Variants in NOB1 observed in about 807,000 individuals in gnomAD.
NOB1 encodes RNA-binding protein NOB1.
NOB1 carries 44 observed loss-of-function variants against 44.8 expected under a neutral mutation model. That is an observed-to-expected ratio of 0.98 (90% confidence interval 0.77 to 1.26). The LOEUF is 1.26. Ranked by LOEUF, NOB1 falls within the 50% of genes most tolerant of loss-of-function variation. NOB1 has a pLI of 0.00. For synonymous variants in NOB1, 238 were observed against 218.7 expected (o/e 1.09, Z -0.78); for missense variants, 560 against 544.8 (o/e 1.03, Z -0.28).
chr16:69,744,979 C>G lies in NOB1; in HGVS notation c.863G>C (p.Cys288Ser). ...SDMSRVFCSH[C>S]GNKTLKKVSV... is the part of the protein sequence containing the mutation. ...CACTTTCTTCAGGGTCTTGTTCCCA[C>G]AGTGTGAGCAGAACACTCGGCTCAT... The change falls in exon 8 of 9, where the codon TGT (cysteine) becomes TCT (serine). Residue 288 changes from cysteine (C) to serine (S), a missense_variant. Cys to Ser is a moderately radical substitution (Grantham distance 112). Transcript: ENST00000268802. 1 of 1,614,126 alleles carries G rather than the reference C, an allele frequency of 6.2e-7. No homozygotes were observed. The highest frequency in any genetic ancestry group is 8.5e-7 in the Non-Finnish European group (1 of 1,180,032).
intron 3 of NOB1, 126 bp from the exon 4 acceptor site, chr16:69,749,756 T>A (rs2038466986): frequency 4.7e-6 from 3 of 635,276 alleles, no homozygotes; most frequent in African/African-American, 3.7e-5. Flanking sequence ...GGTGGGCGGA[T>A]CACCCAAGGT....
rs1179619965 is a variant in NOB1 at position 69,748,272 on chromosome 16, C to T, written c.784G>A (p.Glu262Lys). 1.9e-6 allele frequency: 3 copies of T among 1,614,120 alleles called. No homozygotes were observed. Among genetic ancestry groups the T allele is most frequent in the South Asian group, 2.2e-5 (2 of 91,072 alleles). Residue 262 changes from glutamate to lysine, a missense_variant, in exon 7 of 9, where the codon GAG becomes AAG. Glu to Lys is a moderately conservative substitution (Grantham distance 56). Transcript: ENST00000268802. ...CAGCGCAAGATGTAGCTCCGGGCCT[C>T]ACGAATCAGCATGCCGTTCACCGCC... ...VLAVNGMLIR[E>K]ARSYILRCHG... is the part of the protein sequence containing the mutation.
intron 2 of NOB1, 71 bp downstream of exon 2, chr16:69,754,523 T>C (rs1163840352): frequency 2.5e-6 from 4 of 1,585,160 alleles, no homozygotes; most frequent in Non-Finnish European, 3.4e-6. Context: ...AGACCCCAAC[T>C]CGCACCCAAC....
In NOB1 at chr16:69,744,881, C is replaced by G. The variant is rs763441100; in HGVS notation, c.961G>C (p.Gly321Arg). The G allele has an allele frequency of 6.2e-7, 1 of 1,612,964 alleles. No homozygotes were observed. Among genetic ancestry groups the G allele is most frequent in the Non-Finnish European group, 8.5e-7 (1 of 1,179,906 alleles). Residue 321 changes from glycine to arginine, a missense_variant, in exon 8 of 9, where the codon GGC becomes CGC. Physicochemically the swap from Gly to Arg is moderately radical, Grantham distance 125. Coordinates refer to ENST00000268802, the MANE Select transcript of NOB1 (RefSeq NM_014062.3). ...SRNPKVLNPR[G>R]LRYSLPTPKG... ...GGAGAGGCGCCACTCACCCGGAGGC[C>G]GCGGGGGTTCAGCACCTTGGGGTTG...
At chr16:69,749,654 A>G in intron 3 of NOB1, 24 bp from the exon 4 acceptor site, 1 of 1,520,346 alleles carries the variant, frequency 6.6e-7, no homozygotes, top group Non-Finnish European at 9.0e-7. Context: ...AAAAACATAT[A>G]CCTCTTGTTA....
In NOB1 at chr16:69,754,599, C is replaced by A. The variant is rs769303366; in HGVS notation, c.191G>T (p.Arg64Leu). Reference protein sequence around the residue: ...RFKEPLPEYVRLVTEFSKKTG... With the variant: ...RFKEPLPEYVLLVTEFSKKTG... ...GCTAGGGCAGAGGCACTCACCCAGCCGCACGTATTCCGGTAAGGGCTCCTT... is the reference window on the plus strand; with the variant it reads ...GCTAGGGCAGAGGCACTCACCCAGCAGCACGTATTCCGGTAAGGGCTCCTT... Residue 64 changes from arginine (R) to leucine (L), a missense_variant, in exon 2 of 9, where the codon CGG (arginine) becomes CTG (leucine). Physicochemically the swap from Arg to Leu is moderately radical, Grantham distance 102. Coordinates refer to ENST00000268802, the MANE Select transcript of NOB1 (RefSeq NM_014062.3). 27 of 1,613,988 alleles carry A rather than the reference C, an allele frequency of 1.7e-5. No individual in the cohort carries two copies. Among genetic ancestry groups the A allele is most frequent in the Non-Finnish European group, 2.2e-5 (26 of 1,180,024 alleles).
At position 69,742,100 on chromosome 16, in the gene NOB1, T is replaced by G; in HGVS notation, c.*232A>C. 2.0e-6 allele frequency: 1 copy of G among 495,494 alleles called. No homozygotes were observed. Among genetic ancestry groups the G allele is most frequent in the Non-Finnish European group, 3.6e-6 (1 of 278,634 alleles). 30.7% of individuals were successfully genotyped at this position (495,494 alleles called of 1,614,324 possible). On this transcript the variant is annotated 3_prime_UTR_variant, in exon 9 of 9. Coordinates refer to ENST00000268802, the MANE Select transcript of NOB1 (RefSeq NM_014062.3). ...GGCTCCAGGGCGTTGTTCTTTCTGT[T>G]TTTATGCAATTGCACTTCCTTGGCA...
At chr16:69,743,097 A>T (rs1034945374) in intron 8 of NOB1, among the ~76,000 whole-genome samples, 3 of 152,226 alleles carry the variant, frequency 2.0e-5, no homozygotes, top group African/African-American at 7.2e-5. Context: ...TTGACAGACC[A>T]GGATCTGTCA....
chr16:69,746,419 C>G (rs1006854218), intron 7 of NOB1, among the ~76,000 whole-genome samples: 6 of 152,238 alleles, frequency 3.9e-5, no homozygotes, highest in African/African-American at 1.2e-4. Context: ...TCCAAGGTCC[C>G]AGAGGCCTCC....
At chr16:69,754,479 C>G in intron 2 of NOB1, 115 bp downstream of exon 2, 1 of 1,396,076 alleles carries the variant, frequency 7.2e-7, no homozygotes, top group East Asian at 2.3e-5. Context: ...CTAGAAAGTG[C>G]TGGCTCTAAA....
At chr16:69,750,107 G>T (rs1406401244) in intron 3 of NOB1, among the ~76,000 whole-genome samples, 2 of 150,404 alleles carry the variant, frequency 1.3e-5, no homozygotes, top group Non-Finnish European at 3.0e-5. Flanking sequence ...AGGTTCAAGC[G>T]ATTCTCATGC....
chr16:69,744,933 G>T lies in NOB1; in HGVS notation c.909C>A (p.Asp303Glu). The T allele has an allele frequency of 6.2e-7, 1 of 1,614,164 alleles. No homozygotes were observed. Among genetic ancestry groups the T allele is most frequent in the Non-Finnish European group, 8.5e-7 (1 of 1,180,036 alleles). Residue 303 changes from aspartate (D) to glutamate (E), a missense_variant, in exon 8 of 9, where the codon GAC (aspartate) becomes GAA (glutamate). Coordinates refer to ENST00000268802, the MANE Select transcript of NOB1 (RefSeq NM_014062.3). ...LKKVSVTVSD[D>E]GTLHMHFSRN... The stretch of plus-strand genomic sequence containing the variant: ...GGGAGAAGTGCATGTGCAGGGTGCC[G>T]TCGTCGCTGACGGTCACGGACACTT...
Position 69,742,122 on chromosome 16 carries a change from G to A in NOB1, c.*210C>T. On this transcript the variant is annotated 3_prime_UTR_variant, in exon 9 of 9. Coordinates refer to ENST00000268802, the MANE Select transcript of NOB1 (RefSeq NM_014062.3). ...TGTTTTTATGCAATTGCACTTCCTT[G>A]GCAGGCAGCCAGGCGCTCCGGTGCT... is the stretch of plus-strand genomic sequence containing the variant. 1 of 534,700 alleles carries A rather than the reference G, an allele frequency of 1.9e-6. No individual in the cohort carries two copies. Among genetic ancestry groups the A allele is most frequent in the Non-Finnish European group, 3.3e-6 (1 of 305,290 alleles). The allele number at this position is 534,700 out of a possible 1,614,324, so 33.1% of individuals were successfully genotyped here.
rs561410795 is a variant in NOB1 at position 69,752,301 on chromosome 16, G to A, written c.267C>T (p.Leu89=). Residue 89 remains leucine, a synonymous_variant, in exon 3 of 9, where the codon CTC becomes CTT. Transcript: ENST00000268802. ...CAAACTCTGCTTCCAACTGGTATGT[G>A]AGTGCAAGCACTTGGATGTCCGTGG... is the stretch of plus-strand genomic sequence containing the variant. ...LSATDIQVLA[L]TYQLEAEFVG... is the part of the protein sequence containing the mutation. The A allele has an allele frequency of 6.2e-7, 1 of 1,613,814 alleles. No individual in the cohort carries two copies. The highest frequency in any genetic ancestry group is 1.3e-5 in the African/African-American group (1 of 75,042).
intron 7 of NOB1, 45 bp from the exon 8 acceptor site, chr16:69,745,062 G>C (rs1323560738): frequency 6.2e-7 from 1 of 1,606,564 alleles, no homozygotes; most frequent in Admixed American, 1.7e-5. Context: ...GCCACAGGCA[G>C]CAAACGCCTC....
chr16:69,750,261 T>C (rs2038472028), intron 3 of NOB1, among the ~76,000 whole-genome samples: 1 of 151,754 alleles, frequency 6.6e-6, no homozygotes, highest in Non-Finnish European at 1.5e-5. Context: ...CATCTCAGCC[T>C]CCCAAAGCGC....
chr16:69,750,901 A>G (rs866835735), intron 3 of NOB1, among the ~76,000 whole-genome samples: 1 of 152,192 alleles, frequency 6.6e-6, no homozygotes, highest in African/African-American at 2.4e-5. Flanking sequence ...TATTAGGTTA[A>G]AATTTTTGAC....
intron 3 of NOB1, among the ~76,000 whole-genome samples, chr16:69,751,073 T>C (rs2038478759): frequency 6.6e-6 from 1 of 152,208 alleles, no homozygotes; most frequent in Non-Finnish European, 1.5e-5. Context: ...TTAGTGTTCA[T>C]TCTTTTTTAC....
At chr16:69,753,830 A>G (rs2038502166) in intron 2 of NOB1, among the ~76,000 whole-genome samples, 2 of 152,240 alleles carry the variant, frequency 1.3e-5, no homozygotes, top group Admixed American at 6.5e-5. Flanking sequence ...TTTTTGAGAC[A>G]GAGTCTCGCT....
Sources: gnomAD v4.1 joint callset for allele counts (sites outside exome capture counted in the v4.1 genomes callset) on GRCh38, gnomAD v4.1.1 for gene constraint, MANE v1.5 for transcripts, NCBI Gene and HGNC (gene_info 2026-07-23, HGNC 2026-07-21) for gene names.